PLEKHB1: variants seen among roughly 807,000 people sequenced by gnomAD.
The protein encoded by PLEKHB1 is pleckstrin homology domain-containing family B member 1.
PLEKHB1 carries 29 observed loss-of-function variants against 36.2 expected under a neutral mutation model. The ratio of observed to expected loss-of-function variants is 0.80; its 90% CI spans 0.60 to 1.09. The LOEUF is 1.09. PLEKHB1 is among the 50% of genes least tolerant of loss of function. The pLI, the probability that PLEKHB1 is intolerant of heterozygous loss-of-function variation, is 0.00. For missense variants in PLEKHB1, 330 were observed against 348.2 expected (o/e 0.95, Z 0.42); for synonymous variants, 138 against 140.0 (o/e 0.99, Z 0.10).
chr11:73,662,271 A>G lies in PLEKHB1; in HGVS notation c.*669A>G, dbSNP rs1375258875. Reference sequence around the variant, plus strand: ...GGAGGGAAGTTTCATGATTGCATCTATAATGAATATATTGCCTGTTTTGTG... The same window carrying G: ...GGAGGGAAGTTTCATGATTGCATCTGTAATGAATATATTGCCTGTTTTGTG... On this transcript the variant is annotated 3_prime_UTR_variant, in exon 8 of 8. Transcript: ENST00000354190. The G allele has an allele frequency of 6.6e-6, 1 of 152,320 alleles. No individual in the cohort carries two copies. The highest frequency in any genetic ancestry group is 2.4e-5 in the African/African-American group (1 of 41,448). 9.4% of individuals were successfully genotyped at this position (152,320 alleles called of 1,614,324 possible).
Position 73,661,455 on chromosome 11 carries a change from T to C in PLEKHB1, c.596-11T>C. On this transcript the variant is annotated splice_polypyrimidine_tract_variant and intron_variant, in intron 7 of 7. Transcript: ENST00000354190. This position sits in a 1 kb window ranked among gnomAD's most constrained non-coding sequence, Gnocchi z 4.6. ...AAGTCGCTGATCCTCATGGGCTGTC[T>C]CCCTCTGCAGGCCCTGGCGTGACGC... 1.2e-6 allele frequency: 2 copies of C among 1,613,658 alleles called. No individual in the cohort carries two copies. The highest frequency in any genetic ancestry group is 2.2e-5 in the South Asian group (2 of 91,058).
rs762193304 is a variant in PLEKHB1 at position 73,661,579 on chromosome 11, A to T, written c.709A>T (p.Met237Leu). 2.5e-6 allele frequency: 4 copies of T among 1,600,256 alleles called. No individual in the cohort carries two copies. Among genetic ancestry groups the T allele is most frequent in the Admixed American group, 1.7e-5 (1 of 58,204 alleles). ...CACTGGGGCGGCGCTGGGCTCGCTC[A>T]TGTGGTCGCCCTGCTGGTTCTGAGC... is the stretch of plus-strand genomic sequence containing the variant. ...AATGAALGSL[M>L]WSPCWF Residue 237 changes from methionine to leucine, a missense_variant, in exon 8 of 8, where the codon ATG (methionine) becomes TTG (leucine). By Grantham distance (15) the Met-to-Leu change is conservative. Transcript: ENST00000354190. The surrounding 1 kb of genome is among the most constrained non-coding windows in gnomAD (Gnocchi z 4.6).
intron 6 of PLEKHB1, chr11:73,660,486 T>C (rs1183209772): frequency 6.4e-5 from 32 of 496,986 alleles, no homozygotes; most frequent in Non-Finnish European, 2.9e-5. Context: ...TTGGGAGCCA[T>C]AGAGAATTTT....
intron 1 of PLEKHB1, chr11:73,648,203 T>G (rs1324287373): frequency 6.3e-6 from 1 of 158,146 alleles, no homozygotes. Flanking sequence ...GATTTAATTG[T>G]TACGGAGTGT....
chr11:73,651,995 A>G lies in PLEKHB1; in HGVS notation c.350+105A>G, dbSNP rs1217691807. ...TCTCTGACCGTAGGAAGAGGGCACT[A>G]AGGCCAGTCAGCAAGGGAGTCTTAT... is the stretch of plus-strand genomic sequence containing the variant. On this transcript the variant is annotated intron_variant, in intron 4 of 7. Transcript: ENST00000354190. 3 of 1,000,174 alleles carry G rather than the reference A, an allele frequency of 3.0e-6. No homozygotes were observed. In the African/African-American group the frequency reaches 4.8e-5, roughly 16 times the overall value. The allele number at this position is 1,000,174 out of a possible 1,614,324, so 62.0% of individuals were successfully genotyped here.
intron 1 of PLEKHB1, chr11:73,647,735 C>G: frequency 1.0e-6 from 1 of 976,966 alleles, no homozygotes; most frequent in Non-Finnish European, 1.2e-6. Context: ...CAAGTGTAGA[C>G]AAGGTGGGTG....
At chr11:73,648,732 G>C in intron 1 of PLEKHB1, 2 of 1,198,816 alleles carry the variant, frequency 1.7e-6, no homozygotes, top group Non-Finnish European at 2.1e-6. Context: ...AGAGGGCCAG[G>C]GAGGAGGGAT....
At chr11:73,657,059 G>A (rs929184077) in intron 6 of PLEKHB1, among the ~76,000 whole-genome samples, 9 of 152,156 alleles carry the variant, frequency 5.9e-5, no homozygotes, top group Non-Finnish European at 1.2e-4. Context: ...AGAATGGCTT[G>A]AACTCAGGAG....
chr11:73,652,941 CCCT>C, intron 4 of PLEKHB1, 31 bp from the exon 5 acceptor site: 2 of 1,588,324 alleles, frequency 1.3e-6, no homozygotes, highest in Non-Finnish European at 1.7e-6. Flanking sequence ...CCCCCAAACT[CCCT>C]CCTCATGGTC....
chr11:73,662,215 C>T lies in PLEKHB1; in HGVS notation c.*613C>T, dbSNP rs1945140584. 1 of 152,304 alleles carries T rather than the reference C, an allele frequency of 6.6e-6. No homozygotes were observed. The highest frequency in any genetic ancestry group is 1.5e-5 in the Non-Finnish European group (1 of 68,100). 9.4% of individuals were successfully genotyped at this position (152,304 alleles called of 1,614,324 possible). ...GTGGGCCTTCAAGCTAAGGAGCTTC[C>T]TAGGTGAAAGGGGAGATGTGAGCCT... On this transcript the variant is annotated 3_prime_UTR_variant, in exon 8 of 8. Transcript: ENST00000354190.
intron 6 of PLEKHB1, among the ~76,000 whole-genome samples, chr11:73,659,035 C>T (rs1335393437): frequency 6.6e-6 from 1 of 152,000 alleles, no homozygotes; most frequent in African/African-American, 2.4e-5. Context: ...ACCAGCCTGG[C>T]GAACATGGTG....
chr11:73,652,596 C>T (rs545208989), intron 4 of PLEKHB1: 1 of 185,350 alleles, frequency 5.4e-6, no homozygotes, highest in Admixed American at 6.0e-5. Context: ...TCCTGAGGCT[C>T]TGGGGTCAGA....
At chr11:73,658,236 G>A (rs1367838824) in intron 6 of PLEKHB1, among the ~76,000 whole-genome samples, 1 of 152,172 alleles carries the variant, frequency 6.6e-6, no homozygotes, top group Non-Finnish European at 1.5e-5. Context: ...GGTTGAATGA[G>A]GTGAGAAGCA....
rs1590789961 is a variant in PLEKHB1, at chr11:73,650,606, A to G, written c.148A>G (p.Thr50Ala). The G allele has an allele frequency of 6.2e-7, 1 of 1,612,954 alleles. No homozygotes were observed. The highest frequency in any genetic ancestry group is 2.2e-5 in the East Asian group (1 of 44,824). ...CTGGTTTGCCCTGTGGCTGGACGGG[A>G]CCCTGGGATACTACCACGATGAGAC... Reference protein sequence around the residue: ...RNWFALWLDGTLGYYHDETAQ... With the variant: ...RNWFALWLDGALGYYHDETAQ... Residue 50 changes from threonine to alanine, a missense_variant, in exon 3 of 8, where the codon ACC becomes GCC. Coordinates refer to ENST00000354190, the MANE Select transcript of PLEKHB1 (RefSeq NM_021200.3).
At chr11:73,653,567 G>A in intron 5 of PLEKHB1, 1 of 425,708 alleles carries the variant, frequency 2.3e-6, no homozygotes, top group East Asian at 7.1e-5. Flanking sequence ...TAACAGCTCT[G>A]ACAGAGATTT....
At chr11:73,657,076 G>A (rs10793064) in intron 6 of PLEKHB1, among the ~76,000 whole-genome samples, 76,326 of 151,948 alleles carry the variant, frequency 0.5, 20,719 homozygotes, top group Non-Finnish European at 0.61. Context: ...GGAGGCGGAC[G>A]TGGTTGCAGT....
At chr11:73,660,877 C>CT (rs1945097665) in intron 7 of PLEKHB1, 25 bp downstream of exon 7, 4 of 1,558,510 alleles carry the variant, frequency 2.6e-6, no homozygotes, top group Non-Finnish European at 2.6e-6. Context: ...TGCCCCGGGG[C>CT]TTGCCTCGAT....
At chr11:73,655,968 C>G (rs1944986585) in intron 6 of PLEKHB1, 61 bp downstream of exon 6, 2 of 1,394,724 alleles carry the variant, frequency 1.4e-6, no homozygotes, top group Non-Finnish European at 2.0e-6. Context: ...CCTCCAAAAC[C>G]AGGCCCAGTC....
intron 1 of PLEKHB1, 93 bp from the exon 2 acceptor site, chr11:73,648,919 T>C: frequency 7.3e-6 from 11 of 1,507,030 alleles, no homozygotes; most frequent in Non-Finnish European, 9.8e-6. Context: ...CCCTCAAACG[T>C]TTCCTGGGTG....
Sources: gnomAD v4.1 joint callset for allele counts (sites outside exome capture counted in the v4.1 genomes callset) on GRCh38, gnomAD v4.1.1 for gene constraint, Gnocchi (gnomAD v3.1) non-coding constraint, MANE v1.5 for transcripts, NCBI Gene and HGNC (gene_info 2026-07-23, HGNC 2026-07-21) for gene names.